The following EFCAB14 variants were observed in gnomAD, a reference collection of about 807,000 sequenced individuals.
EFCAB14 encodes EF-hand calcium binding domain 14, also known as EF-hand calcium-binding domain-containing protein 14.
EFCAB14 carries 43 observed loss-of-function variants against 56.5 expected under a neutral mutation model. The observed-to-expected ratio is 0.76, with a 90% CI of 0.60 to 0.98. The LOEUF (loss-of-function observed/expected upper bound fraction) is 0.98. Ranked by LOEUF, EFCAB14 falls within the 50% of genes least tolerant of loss-of-function variation. The pLI, the probability that EFCAB14 is intolerant of heterozygous loss-of-function variation, is 0.00. For missense variants in EFCAB14, 538 were observed against 580.3 expected (o/e 0.93, Z 0.75); for synonymous variants, 235 against 212.9 (o/e 1.10, Z -0.90).
chr1:46,690,516 A>G (rs867116437), intron 5 of EFCAB14, among the ~76,000 whole-genome samples: 1 of 152,228 alleles, frequency 6.6e-6, no homozygotes, highest in Non-Finnish European at 1.5e-5. Flanking sequence ...GCAACAATAA[A>G]GAGAAAAGGA....
At chr1:46,710,705 C>T (rs981957111) in intron 2 of EFCAB14, among the ~76,000 whole-genome samples, 1 of 152,006 alleles carries the variant, frequency 6.6e-6, no homozygotes, top group African/African-American at 2.4e-5. Context: ...AAGCTTGTGC[C>T]ACCACGCCCA....
At chr1:46,684,294 TA>T (rs1676842944) in intron 9 of EFCAB14, 196 bp downstream of exon 9, 5 of 551,248 alleles carry the variant, frequency 9.1e-6, no homozygotes, top group Non-Finnish European at 1.6e-5. Context: ...ATTCTTCCCT[TA>T]ATAGACTAGA....
At chr1:46,696,411 T>G in intron 4 of EFCAB14, 140 bp downstream of exon 4, 1 of 803,056 alleles carries the variant, frequency 1.2e-6, no homozygotes, top group South Asian at 1.7e-5. Context: ...AGTGATACAC[T>G]CCATTACTGC....
At position 46,678,820 on chromosome 1, in the gene EFCAB14, T is replaced by TA. The variant is rs10567663; in HGVS notation, c.1313-185dup. Among the ~76,000 whole-genome samples, 197 of 132,772 alleles carry TA rather than the reference T, an allele frequency of 1.5e-3. 1 individual carries two copies. Among genetic ancestry groups the TA allele is most frequent in the Non-Finnish European group, 1.9e-3 (117 of 61,728 alleles). 87.1% of individuals were successfully genotyped at this position (132,772 alleles called of 152,430 possible). A position where few individuals can be genotyped will look rare whatever the true frequency, so the allele number is the denominator to read the frequency against. ...AATTTTTGATCCCTTAAAAATATAT[T>TA]AAAAAAAAAAAAAAAAAAAAGGCTG... is the stretch of plus-strand genomic sequence containing the variant. On this transcript the variant is annotated intron_variant, in intron 10 of 10. Coordinates refer to ENST00000371933, the MANE Select transcript of EFCAB14 (RefSeq NM_014774.3).
intron 10 of EFCAB14, among the ~76,000 whole-genome samples, chr1:46,682,712 T>C (rs1190052643): frequency 1.3e-5 from 2 of 152,144 alleles, no homozygotes; most frequent in Admixed American, 6.5e-5. Context: ...AGAAAGATAA[T>C]ATAGTACACT....
chr1:46,714,685 T>C (rs1330924191), intron 2 of EFCAB14, among the ~76,000 whole-genome samples: 4 of 151,278 alleles, frequency 2.6e-5, no homozygotes, highest in African/African-American at 9.7e-5. Flanking sequence ...GCTATTGGGA[T>C]TGGGGGTGTG....
intron 7 of EFCAB14, 117 bp downstream of exon 7, chr1:46,688,236 C>T (rs1676920470): frequency 4.1e-6 from 4 of 973,958 alleles, no homozygotes; most frequent in Non-Finnish European, 6.3e-6. Flanking sequence ...GGATTAAGCA[C>T]AACACAAATG....
intron 3 of EFCAB14, among the ~76,000 whole-genome samples, chr1:46,703,616 T>C (rs561084203): frequency 1.1e-4 from 17 of 152,258 alleles, no homozygotes; most frequent in East Asian, 3.9e-4. Context: ...TTTGGAACAA[T>C]AGACAACACA....
intron 10 of EFCAB14, among the ~76,000 whole-genome samples, chr1:46,681,663 G>GCTT (rs111321607): frequency 6.7e-6 from 1 of 149,224 alleles, no homozygotes; most frequent in Non-Finnish European, 1.5e-5. Context: ...GAAGAGTTCT[G>GCTT]TTTTTTTTTT....
At chr1:46,686,540 T>C in intron 8 of EFCAB14, 1 of 503,766 alleles carries the variant, frequency 2.0e-6, no homozygotes, top group Non-Finnish European at 3.6e-6. Context: ...TCCACCACAA[T>C]AGGGGTCACA....
chr1:46,679,609 T>TTTTG (rs1676757689), intron 10 of EFCAB14, among the ~76,000 whole-genome samples: 1 of 116,352 alleles, frequency 8.6e-6, no homozygotes, highest in Non-Finnish European at 1.9e-5. Flanking sequence ...GTTTTTTTTT[T>TTTTG]TTTTTTTTTT....
intron 10 of EFCAB14, among the ~76,000 whole-genome samples, chr1:46,682,580 C>CAAGGA (rs1450711885): frequency 5.9e-5 from 9 of 152,202 alleles, no homozygotes; most frequent in Non-Finnish European, 1.3e-4. Flanking sequence ...TTTATGCCTT[C>CAAGGA]TCCATTAGAC....
At chr1:46,695,658 C>T (rs185576869) in intron 4 of EFCAB14, among the ~76,000 whole-genome samples, 13 of 152,182 alleles carry the variant, frequency 8.5e-5, no homozygotes, top group Admixed American at 3.9e-4. Flanking sequence ...TCTTTATGTT[C>T]GAATTAGGCA....
At chr1:46,694,824 A>G (rs1557444749) in intron 4 of EFCAB14, among the ~76,000 whole-genome samples, 2 of 152,212 alleles carry the variant, frequency 1.3e-5, no homozygotes, top group Admixed American at 1.3e-4. Context: ...ACTTGGAACC[A>G]ACCCAAATGT....
intron 3 of EFCAB14, among the ~76,000 whole-genome samples, chr1:46,700,828 C>T (rs531522240): frequency 2.6e-5 from 4 of 152,082 alleles, no homozygotes; most frequent in African/African-American, 9.6e-5. Context: ...ATTGAATGAC[C>T]TTATTTATTT....
Position 46,678,636 on chromosome 1 carries a change from T to G in EFCAB14, c.1313A>C (p.Asp438Ala). ...AGTCTTGCGGAATAAATCCTGAAGA[T>G]CTGTCAAAAATGAATTACAAAAAAT... The part of the protein sequence containing the change: ...ISLPGVSSTE[D>A]LQDLFRKTGQ... The change falls in exon 11 of 11, where the codon GAT becomes GCT. Residue 438 changes from aspartate to alanine, a missense_variant and splice_region_variant. Physicochemically the swap from Asp to Ala is moderately radical, Grantham distance 126. Coordinates refer to ENST00000371933, the MANE Select transcript of EFCAB14 (RefSeq NM_014774.3). The G allele has an allele frequency of 6.2e-7, 1 of 1,607,292 alleles. No individual in the cohort carries two copies. Among genetic ancestry groups the G allele is most frequent in the Non-Finnish European group, 8.5e-7 (1 of 1,176,040 alleles).
chr1:46,695,170 C>T (rs533150422), intron 4 of EFCAB14, among the ~76,000 whole-genome samples: 26 of 152,112 alleles, frequency 1.7e-4, no homozygotes, highest in Non-Finnish European at 2.4e-4. Flanking sequence ...TATATACATA[C>T]GTAACAAACC....
chr1:46,689,006 C>T (rs1676935423), intron 6 of EFCAB14, among the ~76,000 whole-genome samples: 1 of 152,186 alleles, frequency 6.6e-6, no homozygotes, highest in Non-Finnish European at 1.5e-5. Context: ...TTTTTACTGA[C>T]ATCCTCCAGT....
chr1:46,712,806 G>A (rs1160300340), intron 2 of EFCAB14, among the ~76,000 whole-genome samples: 5 of 151,834 alleles, frequency 3.3e-5, no homozygotes, highest in African/African-American at 4.8e-5. Flanking sequence ...TCAGGAGTTC[G>A]AGACCAGCCT....
Sources: gnomAD v4.1 joint callset for allele counts (sites outside exome capture counted in the v4.1 genomes callset) on GRCh38, gnomAD v4.1.1 for gene constraint, MANE v1.5 for transcripts, NCBI Gene and HGNC (gene_info 2026-07-23, HGNC 2026-07-21) for gene names.